MAF: variants seen among roughly 807,000 people sequenced by gnomAD.
MAF encodes transcription factor Maf.
A neutral mutation model predicts 22.0 loss-of-function variants in MAF; 10 were observed. The observed-to-expected ratio is 0.45, with a 90% confidence interval of 0.28 to 0.77. The LOEUF is 0.77. MAF is among the 30% of genes least tolerant of loss of function. The probability of loss-of-function intolerance (pLI) is 0.12; values close to 1 mark genes in which losing one functional copy is unlikely to be tolerated. For missense variants in MAF, 544 were observed against 548.4 expected (o/e 0.99, Z 0.08); for synonymous variants, 337 against 255.8 (o/e 1.32, Z -3.03).
the MAF span, among the ~76,000 whole-genome samples, chr16:79,404,718 A>G: frequency 0.15 from 22,781 of 151,952 alleles, 1,884 homozygotes; most frequent in South Asian, 0.26. Context: ...GATGACAGCC[A>G]TCACAAACCG....
At chr16:79,236,006 C>T in the MAF span, among the ~76,000 whole-genome samples, 1 of 152,032 alleles carries the variant, frequency 6.6e-6, no homozygotes, top group Non-Finnish European at 1.5e-5. Context: ...ATTCCACAGT[C>T]ATATCCTGTG....
the MAF span, among the ~76,000 whole-genome samples, chr16:79,443,909 G>GT: frequency 2.2e-4 from 33 of 149,012 alleles, no homozygotes; most frequent in African/African-American, 4.2e-4. Context: ...ACTTGTGGTT[G>GT]TTTTTTTTTT....
the MAF span, among the ~76,000 whole-genome samples, chr16:79,333,465 G>C: frequency 2.0e-5 from 3 of 152,176 alleles, no homozygotes; most frequent in Non-Finnish European, 4.4e-5. Context: ...GACCATGTCA[G>C]CGGCCCTGAG....
the MAF span, among the ~76,000 whole-genome samples, chr16:79,254,595 G>A: frequency 6.6e-6 from 1 of 152,120 alleles, no homozygotes; most frequent in African/African-American, 2.4e-5. Flanking sequence ...TTAAGGAAAA[G>A]GTATTGTCAG....
the MAF span, among the ~76,000 whole-genome samples, chr16:79,475,040 C>T: frequency 6.6e-6 from 1 of 152,198 alleles, no homozygotes; most frequent in Non-Finnish European, 1.5e-5. Flanking sequence ...TAAGGCAGTG[C>T]ACACATGGCC....
At chr16:79,310,927 T>G in the MAF span, among the ~76,000 whole-genome samples, 1 of 152,192 alleles carries the variant, frequency 6.6e-6, no homozygotes, top group Admixed American at 6.5e-5. Flanking sequence ...GTGCTGAGCG[T>G]GAGGGCTGTG....
At chr16:79,408,270 G>A in the MAF span, among the ~76,000 whole-genome samples, 6 of 151,938 alleles carry the variant, frequency 3.9e-5, no homozygotes, top group East Asian at 2.0e-4. Flanking sequence ...GCCACCTCCC[G>A]GGTTTAAGAA....
the MAF span, among the ~76,000 whole-genome samples, chr16:79,470,011 C>G: frequency 6.6e-6 from 1 of 152,246 alleles, no homozygotes; most frequent in African/African-American, 2.4e-5. Context: ...AACATATAAT[C>G]TCTACCTCGC....
At chr16:79,216,201 T>A in the MAF span, among the ~76,000 whole-genome samples, 1 of 152,212 alleles carries the variant, frequency 6.6e-6, no homozygotes, top group Admixed American at 6.5e-5. Flanking sequence ...CGTGCACATC[T>A]GTATATGTAT....
the MAF span, among the ~76,000 whole-genome samples, chr16:79,248,478 T>G: frequency 6.6e-6 from 1 of 152,214 alleles, no homozygotes; most frequent in Non-Finnish European, 1.5e-5. Flanking sequence ...CCTTTCATAG[T>G]CAGAGACTTG....
At chr16:79,233,532 C>CATCAA in the MAF span, among the ~76,000 whole-genome samples, 5 of 151,890 alleles carry the variant, frequency 3.3e-5, no homozygotes, top group African/African-American at 1.2e-4. Context: ...CTAAGCATCA[C>CATCAA]TGGCTAATCA....
the MAF span, among the ~76,000 whole-genome samples, chr16:79,381,623 G>C: frequency 6.6e-6 from 1 of 152,154 alleles, no homozygotes; most frequent in South Asian, 2.1e-4. Flanking sequence ...GTTTTTAATG[G>C]CTGTCACTCT....
chr16:79,213,783 G>A, the MAF span, among the ~76,000 whole-genome samples: 2,866 of 110,652 alleles, frequency 0.026, 94 homozygotes, highest in African/African-American at 0.072. Context: ...TTCACTCACA[G>A]CAATGCAAAA....
At chr16:79,393,114 G>A in the MAF span, among the ~76,000 whole-genome samples, 1 of 152,224 alleles carries the variant, frequency 6.6e-6, no homozygotes, top group South Asian at 2.1e-4. Flanking sequence ...ATGCAGAGAG[G>A]ATGTTGATTA....
the MAF span, among the ~76,000 whole-genome samples, chr16:79,482,005 G>A: frequency 1.3e-5 from 2 of 152,206 alleles, no homozygotes; most frequent in Admixed American, 1.3e-4. Flanking sequence ...AAGGATGGAT[G>A]ATGAAAGCAA....
At chr16:79,290,830 G>C in the MAF span, among the ~76,000 whole-genome samples, 1 of 152,028 alleles carries the variant, frequency 6.6e-6, no homozygotes, top group African/African-American at 2.4e-5. Flanking sequence ...GAGTCACTGA[G>C]GCTGGTCCTC....
At chr16:79,305,955 A>G in the MAF span, among the ~76,000 whole-genome samples, 1 of 152,148 alleles carries the variant, frequency 6.6e-6, no homozygotes, top group South Asian at 2.1e-4. Context: ...GGGCTCCAGC[A>G]ACGGCACCCC....
At chr16:79,492,311 A>T in the MAF span, among the ~76,000 whole-genome samples, 1 of 152,196 alleles carries the variant, frequency 6.6e-6, no homozygotes, top group African/African-American at 2.4e-5. Context: ...AGGGAGCACC[A>T]ACCAAAATTC....
At chr16:79,444,912 G>A in the MAF span, among the ~76,000 whole-genome samples, 1 of 152,110 alleles carries the variant, frequency 6.6e-6, no homozygotes, top group Non-Finnish European at 1.5e-5. Flanking sequence ...ATCTTTAAAA[G>A]GACACCCAAC....
Sources: allele counts gnomAD v4.1 joint callset (sites outside exome capture counted in the v4.1 genomes callset), GRCh38; gene constraint gnomAD v4.1.1; transcripts MANE v1.5; gene names NCBI Gene and HGNC (gene_info 2026-07-23, HGNC 2026-07-21).